Variants in FAM171A1 observed in about 807,000 individuals in gnomAD.
The protein encoded by FAM171A1 is protein FAM171A1.
Under a neutral mutation model 74.9 loss-of-function variants are expected in FAM171A1, and 23 were observed. The observed-to-expected ratio is 0.31, with a 90% confidence interval of 0.22 to 0.44. FAM171A1 has a LOEUF of 0.44. FAM171A1 is among the 20% of genes least tolerant of loss of function. FAM171A1 has a pLI of 1.00. For synonymous variants in FAM171A1, 527 were observed against 505.7 expected, an observed-to-expected ratio of 1.04 and a Z score of -0.57; for missense variants, 1,162 against 1,159.2, an observed-to-expected ratio of 1.00 and a Z score of -0.03.
Position 15,214,111 on chromosome 10 carries a change from G to A in FAM171A1, c.1477C>T (p.Leu493Phe). 1.9e-6 allele frequency: 3 copies of A among 1,614,184 alleles called. No homozygotes were observed. The highest frequency in any genetic ancestry group is 2.5e-6 in the Non-Finnish European group (3 of 1,180,032). Residue 493 changes from leucine (L) to phenylalanine (F), a missense_variant, in exon 8 of 8, where the codon CTC (leucine) becomes TTC (phenylalanine). Coordinates refer to ENST00000378116, the MANE Select transcript of FAM171A1 (RefSeq NM_001010924.2). ...DDYRGSYNTV[L>F]SQPLFEKQDR... ...TGCTTTTCAAATAAAGGCTGTGAGA[G>A]CACGGTGTTGTAACTACCCCTGTAG... is the stretch of plus-strand genomic sequence containing the variant.
At chr10:15,337,450 A>C (rs1835714137) in intron 1 of FAM171A1, among the ~76,000 whole-genome samples, 1 of 152,222 alleles carries the variant, frequency 6.6e-6, no homozygotes, top group Non-Finnish European at 1.5e-5. Context: ...TTTAATAAGC[A>C]GTAGGGGCCG....
At chr10:15,325,262 G>A (rs1835541668) in intron 1 of FAM171A1, among the ~76,000 whole-genome samples, 2 of 152,170 alleles carry the variant, frequency 1.3e-5, no homozygotes, top group African/African-American at 2.4e-5. Flanking sequence ...TTGGCAGGCC[G>A]AGGTGGGCAG....
chr10:15,329,332 C>G (rs1210125828), intron 1 of FAM171A1, among the ~76,000 whole-genome samples: 1 of 152,176 alleles, frequency 6.6e-6, no homozygotes, highest in East Asian at 1.9e-4. Flanking sequence ...CTATCGGCTC[C>G]AGAGGTGAAA....
chr10:15,278,792 G>A (rs1317863219), intron 2 of FAM171A1, among the ~76,000 whole-genome samples: 1 of 152,164 alleles, frequency 6.6e-6, no homozygotes, highest in East Asian at 1.9e-4. Flanking sequence ...ATGGGGTTTT[G>A]GGGGTGAGGA....
At chr10:15,240,707 T>C (rs1834352966) in intron 5 of FAM171A1, 2 of 984,898 alleles carry the variant, frequency 2.0e-6, no homozygotes, top group African/African-American at 3.5e-5. Context: ...AGTGTGTGAG[T>C]TAGAGTTAAA....
chr10:15,228,854 C>A (rs1834144694), intron 5 of FAM171A1, among the ~76,000 whole-genome samples: 1 of 152,206 alleles, frequency 6.6e-6, no homozygotes, highest in Non-Finnish European at 1.5e-5. Context: ...GCTGAACGTC[C>A]CTGTGACATC....
chr10:15,344,482 G>T (rs1288794931), intron 1 of FAM171A1, among the ~76,000 whole-genome samples: 1 of 152,156 alleles, frequency 6.6e-6, no homozygotes, highest in Non-Finnish European at 1.5e-5. Flanking sequence ...CCAGGTCAAG[G>T]CTGCAGTGAC....
At chr10:15,342,932 G>C (rs1835781318) in intron 1 of FAM171A1, among the ~76,000 whole-genome samples, 1 of 152,196 alleles carries the variant, frequency 6.6e-6, no homozygotes, top group Non-Finnish European at 1.5e-5. Flanking sequence ...AACCTGCCCT[G>C]TGTTTAACCC....
In FAM171A1 at chr10:15,214,039, C is replaced by T. The variant is rs868521925; in HGVS notation, c.1549G>A (p.Glu517Lys). ...ASTGSKLTIQ[E>K]HLYPAPSSPE... ...GATGAAGGCGCGGGGTACAGATGTT[C>T]CTGAATGGTGAGTTTGCTTCCCGTG... Residue 517 changes from glutamate (E) to lysine (K), a missense_variant, in exon 8 of 8, where the codon GAA (glutamate) becomes AAA (lysine). Glu to Lys is a moderately conservative substitution (Grantham distance 56). Coordinates refer to ENST00000378116, the MANE Select transcript of FAM171A1 (RefSeq NM_001010924.2). 3 of 1,614,126 alleles carry T rather than the reference C, an allele frequency of 1.9e-6. No individual in the cohort carries two copies. The South Asian group carries it at 3.3e-5, about 18-fold the overall frequency.
chr10:15,318,973 G>A (rs965905418), intron 1 of FAM171A1, among the ~76,000 whole-genome samples: 1 of 152,192 alleles, frequency 6.6e-6, no homozygotes, highest in Non-Finnish European at 1.5e-5. Context: ...ACCAAAGGAG[G>A]AGAAGAACAT....
intron 5 of FAM171A1, among the ~76,000 whole-genome samples, chr10:15,242,352 T>C (rs1039765350): frequency 2.6e-5 from 4 of 152,376 alleles, no homozygotes; most frequent in Admixed American, 6.5e-5. Context: ...AATGTCCATC[T>C]TAAAGTTTTC....
intron 1 of FAM171A1, among the ~76,000 whole-genome samples, chr10:15,358,730 C>CT (rs1255505337): frequency 2.0e-5 from 3 of 152,200 alleles, no homozygotes; most frequent in Non-Finnish European, 4.4e-5. Flanking sequence ...CTCAAGGTTG[C>CT]TTTTCATGGT....
upstream of FAM171A1, among the ~76,000 whole-genome samples, chr10:15,371,583 G>A (rs150785049): frequency 3.7e-3 from 564 of 152,308 alleles, 1 homozygote; most frequent in African/African-American, 0.013. Flanking sequence ...TCCTAATGTA[G>A]TTGTGTCCCC....
intron 5 of FAM171A1, among the ~76,000 whole-genome samples, chr10:15,237,185 G>A (rs1834302219): frequency 6.6e-6 from 1 of 152,150 alleles, no homozygotes; most frequent in Non-Finnish European, 1.5e-5. Context: ...TAAGAATGAA[G>A]TGTAAAATAA....
Position 15,214,239 on chromosome 10 carries a change from C to A in FAM171A1, c.1349G>T (p.Ser450Ile). 1.2e-6 allele frequency: 2 copies of A among 1,614,158 alleles called. No individual in the cohort carries two copies. The highest frequency in any genetic ancestry group is 1.7e-6 in the Non-Finnish European group (2 of 1,180,010). ...SQISFDNLTPSGTLGKDYHKS... is the reference protein window; with the variant it reads ...SQISFDNLTPIGTLGKDYHKS... ...ATGGTAGTCTTTCCCCAGCGTCCCA[C>A]TTGGAGTGAGGTTATCAAAGGAGAT... Residue 450 changes from serine (S) to isoleucine (I), a missense_variant, in exon 8 of 8, where the codon AGT becomes ATT. Coordinates refer to ENST00000378116, the MANE Select transcript of FAM171A1 (RefSeq NM_001010924.2).
chr10:15,257,194 G>A (rs1250635857), intron 3 of FAM171A1, among the ~76,000 whole-genome samples: 2 of 152,152 alleles, frequency 1.3e-5, no homozygotes, highest in Non-Finnish European at 2.9e-5. Context: ...CTGGGTTGGT[G>A]ATCCCAGAGC....
At chr10:15,315,511 C>T (rs916326117) in intron 1 of FAM171A1, among the ~76,000 whole-genome samples, 7 of 152,172 alleles carry the variant, frequency 4.6e-5, no homozygotes, top group Non-Finnish European at 8.8e-5. Context: ...TACTGCAGAG[C>T]GTGCCTGTGA....
intron 4 of FAM171A1, among the ~76,000 whole-genome samples, chr10:15,251,318 C>T (rs960973995): frequency 2.6e-5 from 4 of 152,142 alleles, no homozygotes; most frequent in Non-Finnish European, 4.4e-5. Context: ...CTCTTTCCTC[C>T]CTCAGGGCTT....
intron 1 of FAM171A1, among the ~76,000 whole-genome samples, chr10:15,284,403 C>T (rs1835010374): frequency 6.9e-6 from 1 of 144,916 alleles, no homozygotes; most frequent in African/African-American, 2.6e-5. Context: ...CATTGGGCAA[C>T]CAATGCAATA....
Sources: gnomAD v4.1 joint callset for allele counts (sites outside exome capture counted in the v4.1 genomes callset) on GRCh38, gnomAD v4.1.1 for gene constraint, MANE v1.5 for transcripts, NCBI Gene and HGNC (gene_info 2026-07-23, HGNC 2026-07-21) for gene names.